The following LRP1B variants were observed in gnomAD, a reference collection of about 807,000 sequenced individuals.
LRP1B encodes LDL receptor related protein 1B.
A neutral mutation model predicts 556.6 loss-of-function variants in LRP1B; 217 were observed. That is an observed-to-expected ratio of 0.39 (90% CI 0.35 to 0.44). LRP1B has a LOEUF of 0.44. Ranked by LOEUF, LRP1B falls within the 20% of genes least tolerant of loss-of-function variation. The probability of loss-of-function intolerance (pLI) is 1.00; values close to 1 mark genes in which losing one functional copy is unlikely to be tolerated. For missense variants in LRP1B, 5,053 were observed against 5,620.8 expected (o/e 0.90, Z 3.23); for synonymous variants, 2,047 against 1,865.8 (o/e 1.10, Z -2.50).
rs146394178 is a variant in LRP1B at position 142,019,469 on chromosome 2, T to C, written c.82+111179A>G. 4.8e-3 allele frequency among the ~76,000 whole-genome samples: 737 copies of C among 152,250 alleles called. 4 individuals carry two copies. Among genetic ancestry groups the C allele is most frequent in the African/African-American group, 0.016 (657 of 41,542 alleles). On this transcript the variant is annotated intron_variant, in intron 1 of 90. Transcript: ENST00000389484. Reference sequence around the variant, plus strand: ...CAGAAACTGACCACTTCTTATCACCTTCAATGCTATTACTCACTCCATGTC... The same window carrying C: ...CAGAAACTGACCACTTCTTATCACCCTCAATGCTATTACTCACTCCATGTC...
intron 1 of LRP1B, among the ~76,000 whole-genome samples, chr2:142,110,897 T>C (rs915780251): frequency 6.6e-5 from 10 of 152,194 alleles, no homozygotes; most frequent in Admixed American, 2.0e-4. Flanking sequence ...ATGGCAGCAA[T>C]AGTCTATATG....
chr2:141,883,625 G>A (rs1477090770), intron 1 of LRP1B, among the ~76,000 whole-genome samples: 1 of 152,114 alleles, frequency 6.6e-6, no homozygotes, highest in Non-Finnish European at 1.5e-5. Context: ...AGTGAAGGCT[G>A]AGGTAGGAGG....
chr2:141,546,267 G>A (rs551782152), intron 2 of LRP1B, among the ~76,000 whole-genome samples: 16 of 152,008 alleles, frequency 1.1e-4, no homozygotes, highest in Middle Eastern at 3.4e-3. Flanking sequence ...TGCTGGGGGA[G>A]GCATGTAGGC....
At chr2:141,658,134 A>C (rs1690083711) in intron 2 of LRP1B, among the ~76,000 whole-genome samples, 1 of 152,196 alleles carries the variant, frequency 6.6e-6, no homozygotes, top group Non-Finnish European at 1.5e-5. Context: ...GTATCATTTA[A>C]AGGAAAAAAA....
At chr2:141,910,898 A>C (rs1699892010) in intron 1 of LRP1B, among the ~76,000 whole-genome samples, 1 of 152,118 alleles carries the variant, frequency 6.6e-6, no homozygotes, top group Admixed American at 6.6e-5. Context: ...TAAGATAAAT[A>C]AGCATATATT....
In LRP1B at chr2:140,864,278, G is replaced by A. The variant is rs545063723; in HGVS notation, c.4579+3312C>T. 5.3e-5 allele frequency among the ~76,000 whole-genome samples: 8 copies of A among 151,892 alleles called. No individual in the cohort carries two copies. The East Asian group carries it at 1.6e-3, about 30-fold the overall frequency. ...GTTCCTTAAATATTTTATAATCTAG[G>A]CGAGTAGGTAAGACAGAGTTAGGAA... On this transcript the variant is annotated intron_variant, in intron 27 of 90. Transcript: ENST00000389484.
chr2:140,306,655 C>T (rs1215187578), intron 83 of LRP1B, among the ~76,000 whole-genome samples: 3 of 151,526 alleles, frequency 2.0e-5, no homozygotes, highest in Non-Finnish European at 2.9e-5. Context: ...CCTCTATCTC[C>T]TTCAGCTCTG....
At chr2:141,100,570 C>A (rs926021176) in intron 7 of LRP1B, among the ~76,000 whole-genome samples, 6 of 152,114 alleles carry the variant, frequency 3.9e-5, no homozygotes, top group African/African-American at 1.4e-4. Context: ...ATGTCCCTTT[C>A]CTTTTAAAGA....
At chr2:141,089,003 T>C (rs1700112449) in intron 7 of LRP1B, among the ~76,000 whole-genome samples, 1 of 152,196 alleles carries the variant, frequency 6.6e-6, no homozygotes, top group Non-Finnish European at 1.5e-5. Context: ...ATAAAGCTTT[T>C]TCATGACTTT....
chr2:141,383,476 G>C (rs1300480697), intron 3 of LRP1B, among the ~76,000 whole-genome samples: 1 of 152,108 alleles, frequency 6.6e-6, no homozygotes, highest in Non-Finnish European at 1.5e-5. Flanking sequence ...TTCATCAATG[G>C]TTGAATGGAT....
intron 72 of LRP1B, among the ~76,000 whole-genome samples, chr2:140,361,100 G>C (rs1291854194): frequency 6.6e-6 from 1 of 150,740 alleles, no homozygotes; most frequent in African/African-American, 2.4e-5. Context: ...CCTATAATAT[G>C]TTGGATACTG....
Position 140,921,661 on chromosome 2 carries a change from AAG to A in LRP1B, c.3319+1302_3319+1303del, listed in dbSNP as rs535469267. 3.9e-5 allele frequency among the ~76,000 whole-genome samples: 6 copies of A among 152,176 alleles called. No individual in the cohort carries two copies. In the South Asian group the frequency reaches 1.2e-3, roughly 32 times the overall value. On this transcript the variant is annotated intron_variant, in intron 21 of 90. Transcript: ENST00000389484. ...ATTATGACTCTTTATGTAACAATTGAAGAGAGTCACATAATTGTGAAAAATAT... is the reference window on the plus strand; with the variant it reads ...ATTATGACTCTTTATGTAACAATTGAAGAGTCACATAATTGTGAAAAATAT...
chr2:141,705,888 C>A (rs139543399), intron 2 of LRP1B, among the ~76,000 whole-genome samples: 71 of 152,078 alleles, frequency 4.7e-4, no homozygotes, highest in African/African-American at 1.6e-3. Flanking sequence ...ATAGTTATTC[C>A]ATAGCATGCC....
intron 31 of LRP1B, among the ~76,000 whole-genome samples, chr2:140,815,143 TA>T (rs556152392): frequency 0.014 from 1,898 of 140,440 alleles, 15 homozygotes; most frequent in African/African-American, 0.031. Flanking sequence ...TTCCTTCCCT[TA>T]AAAAAAAAAA....
chr2:140,570,332 A>AAAAAGG (rs1681279438), intron 43 of LRP1B, among the ~76,000 whole-genome samples: 1 of 151,682 alleles, frequency 6.6e-6, no homozygotes, highest in African/African-American at 2.4e-5. Context: ...AATCATAATC[A>AAAAAGG]AAAAGGAGAC....
intron 82 of LRP1B, among the ~76,000 whole-genome samples, chr2:140,320,411 A>G (rs1024382269): frequency 1.3e-5 from 2 of 152,132 alleles, no homozygotes; most frequent in Non-Finnish European, 2.9e-5. Flanking sequence ...GCAGAGAACA[A>G]AGAGAAAAAT....
intron 1 of LRP1B, among the ~76,000 whole-genome samples, chr2:141,879,734 C>T (rs1251427679): frequency 6.6e-6 from 1 of 151,796 alleles, no homozygotes; most frequent in Non-Finnish European, 1.5e-5. Flanking sequence ...ATAAAACAGA[C>T]AAACAAAAAA....
intron 1 of LRP1B, among the ~76,000 whole-genome samples, chr2:141,960,328 C>T (rs1419117488): frequency 6.6e-6 from 1 of 151,860 alleles, no homozygotes; most frequent in Non-Finnish European, 1.5e-5. Flanking sequence ...ACACCAGAGA[C>T]CTAATGATAG....
rs575450369 is a variant in LRP1B, at chr2:141,568,693, T to C, written c.206-88160A>G. On this transcript the variant is annotated intron_variant, in intron 2 of 90. Transcript: ENST00000389484. The stretch of plus-strand genomic sequence containing the variant: ...TTATTAAGCAAAACGTAATATAAAG[T>C]AATTTTTCTATATGTTAATTTGTTC... 1.9e-3 allele frequency among the ~76,000 whole-genome samples: 251 copies of C among 129,458 alleles called. 3 individuals carry two copies. Among genetic ancestry groups the C allele is most frequent in the African/African-American group, 5.7e-3 (228 of 39,892 alleles). 84.9% of individuals were successfully genotyped at this position (129,458 alleles called of 152,430 possible).
Sources: allele counts gnomAD v4.1 joint callset (sites outside exome capture counted in the v4.1 genomes callset), GRCh38; gene constraint gnomAD v4.1.1; transcripts MANE v1.5; gene names NCBI Gene and HGNC (gene_info 2026-07-23, HGNC 2026-07-21).